ANO2: variants seen among roughly 807,000 people sequenced by gnomAD.
ANO2 encodes anoctamin 2.
Under a neutral mutation model 124.2 loss-of-function variants are expected in ANO2, and 101 were observed. That is an observed-to-expected ratio of 0.81 (90% CI 0.69 to 0.96). ANO2 has a LOEUF of 0.96. Among genes scored for constraint, ANO2 ranks in the 40% least tolerant of loss-of-function variants. The probability of loss-of-function intolerance (pLI) is 0.00; values close to 1 mark genes in which losing one functional copy is unlikely to be tolerated. For synonymous variants in ANO2, 486 were observed against 482.5 expected (o/e 1.01, Z -0.09); for missense variants, 1,293 against 1,274.5 (o/e 1.01, Z -0.22).
intron 20 of ANO2, among the ~76,000 whole-genome samples, chr12:5,589,183 C>T (rs1348098907): frequency 6.6e-6 from 1 of 152,314 alleles, no homozygotes; most frequent in East Asian, 1.9e-4. Flanking sequence ...CATCTTCTCT[C>T]CCACCAAGCT....
chr12:5,719,330 G>T (rs537007631), intron 14 of ANO2, among the ~76,000 whole-genome samples: 6 of 152,280 alleles, frequency 3.9e-5, no homozygotes, highest in Admixed American at 2.0e-4. Context: ...CTCACAGTTG[G>T]AGCTGCCCAT....
intron 9 of ANO2, among the ~76,000 whole-genome samples, chr12:5,800,266 G>A (rs1298175667): frequency 6.6e-6 from 1 of 152,234 alleles, no homozygotes; most frequent in Non-Finnish European, 1.5e-5. Flanking sequence ...AGCACGGGGA[G>A]AACGTGGGAG....
At chr12:5,859,073 G>C (rs937138719) in intron 3 of ANO2, among the ~76,000 whole-genome samples, 6 of 152,218 alleles carry the variant, frequency 3.9e-5, no homozygotes, top group African/African-American at 1.4e-4. Flanking sequence ...AACATGAAGA[G>C]ATTAGCCGTC....
intron 19 of ANO2, among the ~76,000 whole-genome samples, chr12:5,602,479 C>T (rs1943990224): frequency 6.6e-6 from 1 of 152,088 alleles, no homozygotes; most frequent in African/African-American, 2.4e-5. Context: ...GTCTTAAACT[C>T]CTGGGCTCAG....
intron 3 of ANO2, among the ~76,000 whole-genome samples, chr12:5,886,066 G>A (rs1475386452): frequency 6.6e-6 from 1 of 152,166 alleles, no homozygotes; most frequent in Non-Finnish European, 1.5e-5. Context: ...TGTGTTTTAG[G>A]AGGAAAGACC....
intron 3 of ANO2, among the ~76,000 whole-genome samples, chr12:5,866,267 G>A (rs1021749980): frequency 1.3e-5 from 2 of 152,204 alleles, no homozygotes; most frequent in African/African-American, 4.8e-5. Context: ...GAAGTCCTGG[G>A]TCAGCAAGGG....
intron 19 of ANO2, among the ~76,000 whole-genome samples, chr12:5,601,730 C>T (rs1221511827): frequency 6.6e-6 from 1 of 152,128 alleles, no homozygotes; most frequent in Non-Finnish European, 1.5e-5. Context: ...TTCTGAAATG[C>T]CACTAAAATA....
chr12:5,584,652 G>A (rs1398162831), intron 20 of ANO2, among the ~76,000 whole-genome samples: 4 of 152,164 alleles, frequency 2.6e-5, no homozygotes, highest in Non-Finnish European at 5.9e-5. Flanking sequence ...TGTGCCCAGG[G>A]ATCCCCTTTT....
chr12:5,861,845 G>A lies in ANO2; in HGVS notation c.535-7704C>T, dbSNP rs781032201. ...AAGATTGAAGCTCACACAGCTGGAG[G>A]ACAGGGGTGCTGAGATGGTGGCCAG... On this transcript the variant is annotated intron_variant, in intron 3 of 24. Coordinates refer to ENST00000682330, the MANE Select transcript of ANO2 (RefSeq NM_001364791.2). Among the ~76,000 whole-genome samples the A allele has an allele frequency of 4.6e-5, 7 of 152,166 alleles. No homozygotes were observed. In the South Asian group the frequency reaches 6.2e-4, roughly 14 times the overall value.
intron 1 of ANO2, among the ~76,000 whole-genome samples, chr12:5,942,078 A>ACT (rs10622643): frequency 0.34 from 51,581 of 152,024 alleles, 10,967 homozygotes; most frequent in East Asian, 0.79. Flanking sequence ...CTTCCTAAGA[A>ACT]CTTCCTGATG....
chr12:5,662,182 G>A (rs892873472), intron 14 of ANO2, among the ~76,000 whole-genome samples: 3 of 152,374 alleles, frequency 2.0e-5, no homozygotes, highest in African/African-American at 7.2e-5. Flanking sequence ...TGCAGCCAAA[G>A]CTTGTTTTGA....
intron 2 of ANO2, among the ~76,000 whole-genome samples, chr12:5,922,365 C>A (rs1311497586): frequency 1.3e-5 from 2 of 152,184 alleles, no homozygotes; most frequent in Admixed American, 6.5e-5. Context: ...AACCAGGGGG[C>A]CTGCAGACCA....
intron 10 of ANO2, among the ~76,000 whole-genome samples, chr12:5,764,134 T>G (rs1406407151): frequency 6.6e-6 from 1 of 152,206 alleles, no homozygotes; most frequent in African/African-American, 2.4e-5. Context: ...CCCTAATGCT[T>G]TCATCTTGAT....
intron 24 of ANO2, among the ~76,000 whole-genome samples, chr12:5,564,849 T>C (rs895661434): frequency 4.2e-4 from 64 of 152,116 alleles, no homozygotes; most frequent in Non-Finnish European, 1.0e-4. Context: ...GGGGGCAGGA[T>C]ACTTTAGAGC....
At chr12:5,799,101 T>C (rs1432984227) in intron 10 of ANO2, among the ~76,000 whole-genome samples, 1 of 152,256 alleles carries the variant, frequency 6.6e-6, no homozygotes, top group Non-Finnish European at 1.5e-5. Flanking sequence ...ATTCCTCATG[T>C]GATTTGCTAA....
intron 16 of ANO2, among the ~76,000 whole-genome samples, chr12:5,630,738 C>A (rs544463705): frequency 2.0e-5 from 3 of 152,086 alleles, no homozygotes; most frequent in Non-Finnish European, 4.4e-5. Flanking sequence ...CCAGGCACTG[C>A]GCAGGAAATA....
chr12:5,788,708 G>A (rs575157890), intron 10 of ANO2, among the ~76,000 whole-genome samples: 52 of 152,198 alleles, frequency 3.4e-4, no homozygotes, highest in Middle Eastern at 6.8e-3. Context: ...ACAGGCACCC[G>A]CCACCACACC....
chr12:5,829,014 T>C (rs1456963305), intron 6 of ANO2, among the ~76,000 whole-genome samples: 26 of 152,248 alleles, frequency 1.7e-4, no homozygotes, highest in Admixed American at 1.7e-3. Context: ...GAAAGGAAGA[T>C]GCTTCCAGAA....
chr12:5,718,036 G>C (rs1441074421), intron 14 of ANO2, among the ~76,000 whole-genome samples: 1 of 152,192 alleles, frequency 6.6e-6, no homozygotes, highest in African/African-American at 2.4e-5. Flanking sequence ...CGGGATGGGG[G>C]AGCTGAATGT....
Sources: gnomAD v4.1 joint callset for allele counts (sites outside exome capture counted in the v4.1 genomes callset) on GRCh38, gnomAD v4.1.1 for gene constraint, MANE v1.5 for transcripts, NCBI Gene and HGNC (gene_info 2026-07-23, HGNC 2026-07-21) for gene names.